Variants in BUB1 observed in about 807,000 individuals in gnomAD.
BUB1 encodes mitotic checkpoint serine/threonine-protein kinase BUB1.
A neutral mutation model predicts 135.2 loss-of-function variants in BUB1; 84 were observed. The ratio of observed to expected loss-of-function variants is 0.62; its 90% CI spans 0.52 to 0.74. BUB1 has a LOEUF of 0.74. BUB1 is among the 30% of genes least tolerant of loss of function. BUB1 has a pLI of 0.00. For synonymous variants in BUB1, 403 were observed against 434.4 expected, an observed-to-expected ratio of 0.93 and a Z score of 0.90; for missense variants, 1,162 against 1,288.3, an observed-to-expected ratio of 0.90 and a Z score of 1.50.
chr2:110,649,008 T>C, intron 19 of BUB1: 1 of 359,724 alleles, frequency 2.8e-6, no homozygotes, highest in Non-Finnish European at 5.0e-6. Flanking sequence ...TTAATAGATA[T>C]TGGCAAATTG....
rs979432479 is a variant in BUB1 at position 110,641,037 on chromosome 2, G to C, written c.2952C>G (p.Tyr984Ter). 1.9e-6 allele frequency: 3 copies of C among 1,567,764 alleles called. No individual in the cohort carries two copies. The highest frequency in any genetic ancestry group is 2.6e-6 in the Non-Finnish European group (3 of 1,159,866). Reference sequence around the variant, plus strand: ...GTCCCTCACTTTAGTTTTATACCTGGTAGTTCCATGGTTTGTTGCTGAGCA... The same window carrying C: ...GTCCCTCACTTTAGTTTTATACCTGCTAGTTCCATGGTTTGTTGCTGAGCA... ...VEMLSNKPWN[Y>*]QIDYFGVAAT... The change falls in exon 23 of 25, where the codon TAC (tyrosine) becomes TAG (stop). Residue 984 changes from tyrosine to a stop codon, truncating the protein, a stop_gained. Coordinates refer to ENST00000302759, the MANE Select transcript of BUB1 (RefSeq NM_004336.5). LOFTEE classifies it high-confidence loss of function.
intron 23 of BUB1, 71 bp from the exon 24 acceptor site, chr2:110,639,919 AACTT>A (rs771141605): frequency 1.6e-6 from 2 of 1,253,362 alleles, no homozygotes; most frequent in South Asian, 2.4e-5. Flanking sequence ...ATGCCTGTCT[AACTT>A]AGGCAGCAAG....
intron 5 of BUB1, among the ~76,000 whole-genome samples, 188 bp downstream of exon 5, chr2:110,670,337 C>T (rs1245853576): frequency 1.3e-5 from 2 of 151,936 alleles, no homozygotes; most frequent in Non-Finnish European, 2.9e-5. Context: ...GGGGTTTCAC[C>T]ATGTTGGCCA....
intron 24 of BUB1, among the ~76,000 whole-genome samples, chr2:110,638,753 G>A (rs1245231261): frequency 1.1e-4 from 16 of 152,208 alleles, no homozygotes. Context: ...GGTGGTCAGA[G>A]ATGAAACTAT....
chr2:110,671,766 T>C (rs1296214666), intron 4 of BUB1, among the ~76,000 whole-genome samples: 2 of 152,216 alleles, frequency 1.3e-5, no homozygotes, highest in African/African-American at 2.4e-5. Context: ...AAGCTGTATA[T>C]GTACATAAAG....
intron 8 of BUB1, 146 bp from the exon 9 acceptor site, chr2:110,666,560 T>A: frequency 3.6e-6 from 2 of 548,948 alleles, no homozygotes; most frequent in Non-Finnish European, 2.8e-6. Flanking sequence ...GTGAAACTTG[T>A]ATTACCTTTT....
In BUB1 at chr2:110,671,228, T is replaced by C. The variant is rs549179894; in HGVS notation, c.423-660A>G. On this transcript the variant is annotated intron_variant, in intron 4 of 24. Coordinates refer to ENST00000302759, the MANE Select transcript of BUB1 (RefSeq NM_004336.5). ...GAAAGACTGAAAATTACATATTAAA[T>C]AATTATTGTTAGTTTTCTTAGGTAT... is the stretch of plus-strand genomic sequence containing the variant. 3.3e-4 allele frequency among the ~76,000 whole-genome samples: 50 copies of C among 152,314 alleles called. No homozygotes were observed. In the South Asian group the frequency reaches 9.7e-3, roughly 30 times the overall value.
chr2:110,667,806 T>G lies in BUB1; in HGVS notation c.611A>C (p.Glu204Ala). 1 of 1,613,406 alleles carries G rather than the reference T, an allele frequency of 6.2e-7. No homozygotes were observed. The change falls in exon 7 of 25, where the codon GAG (glutamate) becomes GCG (alanine). Residue 204 changes from glutamate (E) to alanine (A), a missense_variant. Transcript: ENST00000302759. ...CACTGATTATACTTGCATATTTGAC[T>G]CTTTATCACAAGCTGAAGATATCAC... ...SGVISSACDKESNMERRVITI... is the reference protein window; with the variant it reads ...SGVISSACDKASNMERRVITI...
chr2:110,672,389 G>A (rs982740978), intron 4 of BUB1, among the ~76,000 whole-genome samples: 1 of 152,136 alleles, frequency 6.6e-6, no homozygotes, highest in African/African-American at 2.4e-5. Context: ...TTCTTTGTAT[G>A]TATAACTAGA....
intron 23 of BUB1, 126 bp from the exon 24 acceptor site, chr2:110,639,974 G>A (rs904369242): frequency 9.7e-6 from 8 of 821,632 alleles, no homozygotes; most frequent in Non-Finnish European, 1.5e-5. Context: ...CATTTTGGAA[G>A]GCATTTGTTC....
In BUB1 at chr2:110,672,634, TCA is replaced by T. The variant is rs2104559136; in HGVS notation, c.422+25_422+26del. 3 of 1,531,916 alleles carry T rather than the reference TCA, an allele frequency of 2.0e-6. No homozygotes were observed. In the East Asian group the frequency reaches 6.8e-5, roughly 35 times the overall value. 94.9% of individuals were successfully genotyped at this position (1,531,916 alleles called of 1,614,324 possible). Reference sequence around the variant, plus strand: ...ACATTACTTTTCAAAGTCAGAATCATCACAGAGAGTTTGACTTTGTAACTACC... The same window carrying T: ...ACATTACTTTTCAAAGTCAGAATCATCAGAGAGTTTGACTTTGTAACTACC... On this transcript the variant is annotated intron_variant, in intron 4 of 24. Coordinates refer to ENST00000302759, the MANE Select transcript of BUB1 (RefSeq NM_004336.5).
At chr2:110,658,065 C>A (rs1213545781) in intron 13 of BUB1, among the ~76,000 whole-genome samples, 1 of 152,174 alleles carries the variant, frequency 6.6e-6, no homozygotes, top group Non-Finnish European at 1.5e-5. Flanking sequence ...AATCCCCTGA[C>A]TCTAGACAAA....
chr2:110,641,151 GTCAA>G lies in BUB1; in HGVS notation c.2834_2837del (p.Ile945ThrfsTer6). On this transcript the variant is annotated frameshift_variant, in exon 23 of 25. Transcript: ENST00000302759. LOFTEE classifies it high-confidence loss of function. The stretch of plus-strand genomic sequence containing the variant: ...GTTTCATATCTATACTCTGACCCAG[GTCAA>G]TCAGTGCCAAGCCAGCAGATAAATC... The G allele has an allele frequency of 6.2e-7, 1 of 1,612,678 alleles. No individual in the cohort carries two copies. Among genetic ancestry groups the G allele is most frequent in the Non-Finnish European group, 8.5e-7 (1 of 1,179,592 alleles).
chr2:110,647,414 A>G (rs995774073), intron 19 of BUB1, among the ~76,000 whole-genome samples: 13 of 152,250 alleles, frequency 8.5e-5, no homozygotes, highest in Non-Finnish European at 1.9e-4. Context: ...TATCCCAGGT[A>G]TACAAGGCTA....
Position 110,638,021 on chromosome 2 carries a change from C to T in BUB1, c.3201G>A (p.Arg1067=). The change falls in exon 25 of 25, where the codon AGG becomes AGA. Residue 1067 remains arginine, a synonymous_variant. Transcript: ENST00000302759. ...GTACAATTAGCCTATTACGTAGGGC[C>T]CTAATCTTGTTAGTATAGTGTTGTT... is the stretch of plus-strand genomic sequence containing the variant. The part of the protein sequence containing the change: ...VFQQHYTNKI[R]ALRNRLIVLL... 2 of 1,604,634 alleles carry T rather than the reference C, an allele frequency of 1.2e-6. No individual in the cohort carries two copies. The highest frequency in any genetic ancestry group is 1.7e-6 in the Non-Finnish European group (2 of 1,176,050).
At position 110,649,390 on chromosome 2, in the gene BUB1, A is replaced by AG. The variant is rs201588766; in HGVS notation, c.2204-14dup. 5,312 of 1,502,018 alleles carry AG rather than the reference A, an allele frequency of 3.5e-3. 134 individuals carry two copies. In the African/African-American group the frequency reaches 0.067, roughly 19 times the overall value. 93.0% of individuals were successfully genotyped at this position (1,502,018 alleles called of 1,614,324 possible). A position where few individuals can be genotyped will look rare whatever the true frequency, so the allele number is the denominator to read the frequency against. On this transcript the variant is annotated splice_polypyrimidine_tract_variant and intron_variant, in intron 18 of 24. Transcript: ENST00000302759. ...CCAACAATGAAGTCTTAAAGGAATGAGAAAAAAAAAAAAAAAGGGAACATG... is the reference window on the plus strand; with the variant it reads ...CCAACAATGAAGTCTTAAAGGAATGAGGAAAAAAAAAAAAAAAGGGAACATG...
In BUB1 at chr2:110,658,536, G is replaced by A. The variant is rs187878717; in HGVS notation, c.1406-16C>T. The A allele has an allele frequency of 8.6e-4, 1,386 of 1,613,516 alleles. 13 individuals carry two copies. The South Asian group carries it at 0.01, about 12-fold the overall frequency. On this transcript the variant is annotated splice_polypyrimidine_tract_variant and intron_variant, in intron 12 of 24. Coordinates refer to ENST00000302759, the MANE Select transcript of BUB1 (RefSeq NM_004336.5). Reference sequence around the variant, plus strand: ...ATGATGAAACCTTAAAGAACAAAAAGAATAATTGTAAACAGGTTGCAAAAG... The same window carrying A: ...ATGATGAAACCTTAAAGAACAAAAAAAATAATTGTAAACAGGTTGCAAAAG...
At chr2:110,658,786 C>T in intron 11 of BUB1, 44 bp from the exon 12 acceptor site, 1 of 1,607,730 alleles carries the variant, frequency 6.2e-7, no homozygotes. Context: ...GTAGGGAAAT[C>T]AGAATAACTT....
rs766345681 is a variant in BUB1, at chr2:110,666,273, T to A, written c.947A>T (p.Glu316Val). The change falls in exon 9 of 25, where the codon GAA becomes GTA. Residue 316 changes from glutamate to valine, a missense_variant. Coordinates refer to ENST00000302759, the MANE Select transcript of BUB1 (RefSeq NM_004336.5). ...AGGAGCACAACATACCTCGGACCTT[T>A]CCTGGGAAGCGGGCAGATCCTCATG... is the stretch of plus-strand genomic sequence containing the variant. ...TSHEDLPASQERSEVNPARMG... is the reference protein window; with the variant it reads ...TSHEDLPASQVRSEVNPARMG... The A allele has an allele frequency of 9.7e-6, 14 of 1,436,586 alleles. No homozygotes were observed. The Middle Eastern group carries it at 5.5e-4, about 57-fold the overall frequency. The allele number at this position is 1,436,586 out of a possible 1,614,324, so 89.0% of individuals were successfully genotyped here.
Sources: gnomAD v4.1 joint callset for allele counts (sites outside exome capture counted in the v4.1 genomes callset) on GRCh38, gnomAD v4.1.1 for gene constraint, MANE v1.5 for transcripts, NCBI Gene and HGNC (gene_info 2026-07-23, HGNC 2026-07-21) for gene names.